LHFPL1: variants seen among roughly 807,000 people sequenced by gnomAD.
LHFPL1 encodes LHFPL tetraspan subfamily member 1.
In LHFPL1, 4 loss-of-function variants were observed where a neutral mutation model predicts 12.1. The ratio of observed to expected loss-of-function variants is 0.33; its 90% CI spans 0.16 to 0.76. The LOEUF is 0.76. LHFPL1 is among the 30% of genes least tolerant of loss of function. The pLI is 0.61. For synonymous variants in LHFPL1, 52 were observed against 61.9 expected (o/e 0.84, Z 0.75); for missense variants, 141 against 174.1 (o/e 0.81, Z 1.07).
intron 2 of LHFPL1, among the ~76,000 whole-genome samples, chrX:112,663,472 C>T (rs776018135): frequency 9.0e-6 from 1 of 110,649 alleles, no homozygotes; most frequent in Non-Finnish European, 1.9e-5. Context: ...AAGGGACTTC[C>T]ATGTCAGGGC....
chrX:112,663,613 C>T (rs763335380), intron 2 of LHFPL1, among the ~76,000 whole-genome samples: 9 of 112,151 alleles, frequency 8.0e-5, no homozygotes, highest in Non-Finnish European at 1.7e-4. Context: ...AAATGATTTA[C>T]CCAAGGTCAC....
Position 112,668,200 on chromosome X carries a change from C to G in LHFPL1, c.382+2809G>C, listed in dbSNP as rs1931391422. On this transcript the variant is annotated intron_variant, in intron 2 of 3. Transcript: ENST00000371968. Reference sequence around the variant, plus strand: ...TATCCATGGGGCCCAAAATGCTGCCCAGCCTTGGTTTCCTTCCACTGGCAA... The same window carrying G: ...TATCCATGGGGCCCAAAATGCTGCCGAGCCTTGGTTTCCTTCCACTGGCAA... Among the ~76,000 whole-genome samples, 4 of 112,174 alleles carry G rather than the reference C, an allele frequency of 3.6e-5. No individual in the cohort carries two copies. In the South Asian group the frequency reaches 1.5e-3, roughly 42 times the overall value.
At chrX:112,648,173 G>C (rs1444649809) in intron 3 of LHFPL1, among the ~76,000 whole-genome samples, 1 of 108,041 alleles carries the variant, frequency 9.3e-6, no homozygotes, top group Non-Finnish European at 1.9e-5. Context: ...GGGGCCTGTT[G>C]GGGGGTGGGG....
chrX:112,651,371 C>T (rs772300243), intron 3 of LHFPL1, among the ~76,000 whole-genome samples: 1 of 111,877 alleles, frequency 8.9e-6, no homozygotes, highest in African/African-American at 3.2e-5. Context: ...AGGTGATAAC[C>T]ACTGTTAGTA....
chrX:112,637,460 CA>C (rs1479202620), intron 3 of LHFPL1, among the ~76,000 whole-genome samples: 2 of 111,625 alleles, frequency 1.8e-5, no homozygotes, highest in Non-Finnish European at 3.8e-5. Context: ...TGGGATCTAG[CA>C]TTGCTGTGGG....
intron 2 of LHFPL1, among the ~76,000 whole-genome samples, chrX:112,665,414 C>T (rs1255483398): frequency 9.0e-6 from 1 of 111,552 alleles, no homozygotes; most frequent in Non-Finnish European, 1.9e-5. Context: ...TGGTGTCAGA[C>T]TCCTGAGCGC....
intron 3 of LHFPL1, 73 bp from the exon 4 acceptor site, chrX:112,631,674 A>G: frequency 1.3e-6 from 1 of 767,035 alleles, no homozygotes. Flanking sequence ...GAACTATAGA[A>G]ATGATTCCAG....
intron 3 of LHFPL1, among the ~76,000 whole-genome samples, chrX:112,656,752 T>C (rs1286660074): frequency 8.9e-6 from 1 of 112,626 alleles, no homozygotes; most frequent in African/African-American, 3.2e-5. Context: ...AACAAACTCA[T>C]TGTAACTTAA....
rs367992618 is a variant in LHFPL1 at position 112,665,272 on chromosome X, C to A, written c.383-4547G>T. On this transcript the variant is annotated intron_variant, in intron 2 of 3. Transcript: ENST00000371968. ...ATGGCACGATCTCCGCTCACTGCAA[C>A]CTCCGCCTCCCAGGTTCAAGCGATT... Among the ~76,000 whole-genome samples the A allele has an allele frequency of 3.1e-4, 34 of 109,396 alleles. No homozygotes were observed. In the East Asian group the frequency reaches 9.2e-3, roughly 30 times the overall value. 95.0% of individuals were successfully genotyped at this position (109,396 alleles called of 115,157 possible).
intron 1 of LHFPL1, among the ~76,000 whole-genome samples, chrX:112,676,347 C>T (rs993760434): frequency 1.8e-5 from 2 of 112,030 alleles, no homozygotes; most frequent in African/African-American, 6.5e-5. Context: ...CACTGGATTT[C>T]AGGAACCAAG....
intron 3 of LHFPL1, among the ~76,000 whole-genome samples, chrX:112,656,502 G>A (rs1456832818): frequency 2.7e-5 from 3 of 111,639 alleles, no homozygotes; most frequent in Non-Finnish European, 5.6e-5. Flanking sequence ...CATTGTCCTG[G>A]AGGTTCTTGC....
intron 3 of LHFPL1, among the ~76,000 whole-genome samples, chrX:112,650,179 A>G (rs1230875138): frequency 2.8e-5 from 3 of 106,673 alleles, no homozygotes; most frequent in African/African-American, 1.1e-4. Context: ...AGATTTCTTT[A>G]TAATACAGTA....
At chrX:112,678,781 T>C (rs1931723900) in intron 1 of LHFPL1, among the ~76,000 whole-genome samples, 1 of 112,010 alleles carries the variant, frequency 8.9e-6, no homozygotes. Context: ...GGAATTCATA[T>C]TGTTAAAAAT....
intron 3 of LHFPL1, chrX:112,648,784 G>A (rs757800267): frequency 2.7e-5 from 3 of 111,060 alleles, no homozygotes; most frequent in African/African-American, 9.8e-5. Context: ...TATTAATGAG[G>A]ACATTTATTA....
At chrX:112,640,418 G>A (rs976609624) in intron 3 of LHFPL1, among the ~76,000 whole-genome samples, 1 of 111,606 alleles carries the variant, frequency 9.0e-6, no homozygotes, top group African/African-American at 3.3e-5. Context: ...TGGTATTTTC[G>A]AGGTGGCTGG....
At chrX:112,633,795 A>C (rs111992441) in intron 3 of LHFPL1, among the ~76,000 whole-genome samples, 1 of 112,089 alleles carries the variant, frequency 8.9e-6, no homozygotes, top group Non-Finnish European at 1.9e-5. Flanking sequence ...AGAAAGAGCA[A>C]ATTTGAAAGA....
chrX:112,641,308 T>C (rs775638996), intron 3 of LHFPL1, among the ~76,000 whole-genome samples: 1 of 112,132 alleles, frequency 8.9e-6, no homozygotes, highest in East Asian at 2.8e-4. Context: ...TTTTATTCAT[T>C]CGTCAAGTCC....
intron 3 of LHFPL1, among the ~76,000 whole-genome samples, chrX:112,650,639 T>A (rs1489473870): frequency 9.0e-6 from 1 of 111,195 alleles, no homozygotes; most frequent in Non-Finnish European, 1.9e-5. Flanking sequence ...GCTACCCCTC[T>A]GAGTCTCCTT....
intron 3 of LHFPL1, among the ~76,000 whole-genome samples, chrX:112,648,479 C>T (rs1930761133): frequency 9.0e-6 from 1 of 110,858 alleles, no homozygotes; most frequent in African/African-American, 3.3e-5. Flanking sequence ...TCCTCTTCCT[C>T]AGAACTAAAG....
Sources: gnomAD v4.1 joint callset for allele counts (sites outside exome capture counted in the v4.1 genomes callset) on GRCh38, gnomAD v4.1.1 for gene constraint, MANE v1.5 for transcripts, NCBI Gene and HGNC (gene_info 2026-07-23, HGNC 2026-07-21) for gene names.